ARAP1: variants seen among roughly 807,000 people sequenced by gnomAD.
ARAP1 encodes ArfGAP with RhoGAP domain, ankyrin repeat and PH domain 1, also known as arf-GAP with Rho-GAP domain, ANK repeat and PH domain-containing protein 1.
ARAP1 carries 76 observed loss-of-function variants against 172.2 expected under a neutral mutation model. The ratio of observed to expected loss-of-function variants is 0.44; its 90% CI spans 0.37 to 0.53. ARAP1 has a LOEUF of 0.53. ARAP1 is among the 20% of genes least tolerant of loss of function. The pLI, the probability that ARAP1 is intolerant of heterozygous loss-of-function variation, is 0.00. For missense variants in ARAP1, 1,686 were observed against 1,977.5 expected, an observed-to-expected ratio of 0.85 and a Z score of 2.80; for synonymous variants, 804 against 803.3, an observed-to-expected ratio of 1.00 and a Z score of -0.01.
At position 72,699,627 on chromosome 11, in the gene ARAP1, G is replaced by A. The variant is rs947645746; in HGVS notation, c.2303-75C>T. The A allele has an allele frequency of 2.0e-5, 30 of 1,535,196 alleles. No homozygotes were observed. The highest frequency in any genetic ancestry group is 2.1e-4 in the Middle Eastern group (1 of 4,786). ...AAAACCACCTCTGCATCCTCCCGGG[G>A]CTCCTGCTCCCATCTGACCCATGAG... On this transcript the variant is annotated intron_variant, in intron 16 of 34. Coordinates refer to ENST00000393609, the MANE Select transcript of ARAP1 (RefSeq NM_001040118.3). This position sits in a 1 kb window ranked among gnomAD's most constrained non-coding sequence, Gnocchi z 4.2.
chr11:72,727,263 G>T, intron 2 of ARAP1, 91 bp from the exon 3 acceptor site: 1 of 1,158,620 alleles, frequency 8.6e-7, no homozygotes, highest in Non-Finnish European at 1.2e-6. Flanking sequence ...CAAGCCATAG[G>T]TTCAAGTTCT....
At position 72,697,089 on chromosome 11, in the gene ARAP1, G is replaced by T; in HGVS notation, c.3060C>A (p.Gly1020=). The part of the protein sequence containing the change: ...QDARSVHLKE[G]EQHVDDVSSA... ...AGGAAACATCATCCACGTGCTGCTC[G>T]CCCTCCTTGAGGTGCACAGAGCGCG... The change falls in exon 22 of 35, where the codon GGC becomes GGA. Residue 1020 remains glycine, a synonymous_variant. Coordinates refer to ENST00000393609, the MANE Select transcript of ARAP1 (RefSeq NM_001040118.3). 6.2e-7 allele frequency: 1 copy of T among 1,609,372 alleles called. No individual in the cohort carries two copies. Among genetic ancestry groups the T allele is most frequent in the Non-Finnish European group, 8.5e-7 (1 of 1,179,924 alleles).
At chr11:72,700,421 A>G (rs937593991) in intron 16 of ARAP1, 1 of 152,306 alleles carries the variant, frequency 6.6e-6, no homozygotes, top group East Asian at 1.9e-4. Context: ...TTCCCACAGC[A>G]GACTCTGTCT....
Position 72,695,494 on chromosome 11 carries a change from G to A in ARAP1, c.3508-39C>T. ...GGGCTCAGCTGGGGGCCTAGGAAAT[G>A]GGTGCAGGTGGCAGGTCCAAGCCCC... On this transcript the variant is annotated intron_variant, in intron 25 of 34. Coordinates refer to ENST00000393609, the MANE Select transcript of ARAP1 (RefSeq NM_001040118.3). The surrounding 1 kb of genome is among the most constrained non-coding windows in gnomAD (Gnocchi z 4.4). 6.2e-7 allele frequency: 1 copy of A among 1,614,212 alleles called. No homozygotes were observed. The highest frequency in any genetic ancestry group is 8.5e-7 in the Non-Finnish European group (1 of 1,180,040).
chr11:72,730,773 C>A (rs1375642720), intron 2 of ARAP1, among the ~76,000 whole-genome samples: 3 of 152,150 alleles, frequency 2.0e-5, no homozygotes, highest in African/African-American at 7.2e-5. Flanking sequence ...CTGGCACCTG[C>A]CAGAATTGAC....
intron 2 of ARAP1, among the ~76,000 whole-genome samples, chr11:72,730,466 G>C (rs1046451167): frequency 1.3e-5 from 2 of 152,212 alleles, no homozygotes; most frequent in Non-Finnish European, 2.9e-5. Context: ...GCTCACACCT[G>C]TAATCCCAAC....
chr11:72,704,343 G>A lies in ARAP1; in HGVS notation c.1810-9C>T, dbSNP rs776623044. 8.4e-6 allele frequency: 13 copies of A among 1,555,368 alleles called. No individual in the cohort carries two copies. The highest frequency in any genetic ancestry group is 1.1e-5 in the Non-Finnish European group (13 of 1,151,898). ...CCCAGCTGTAAGAAGAGCTGTGGGG[G>A]TGTGCAGGAGGTCAGACGGGCCAGC... On this transcript the variant is annotated splice_polypyrimidine_tract_variant and intron_variant, in intron 13 of 34. Transcript: ENST00000393609.
At position 72,693,676 on chromosome 11, in the gene ARAP1, T is replaced by TGCAG. The variant is rs2135497456; in HGVS notation, c.3808+12_3808+15dup. Reference sequence around the variant, plus strand: ...AGGACCACCCGGAGCCTGGCCACCCTGCAGGCACCACCTACCCAGGTACAG... The same window carrying TGCAG: ...AGGACCACCCGGAGCCTGGCCACCCTGCAGGCAGGCACCACCTACCCAGGTACAG... On this transcript the variant is annotated intron_variant, in intron 28 of 34. Coordinates refer to ENST00000393609, the MANE Select transcript of ARAP1 (RefSeq NM_001040118.3). The surrounding 1 kb of genome is among the most constrained non-coding windows in gnomAD (Gnocchi z 4.6). The TGCAG allele has an allele frequency of 6.3e-7, 1 of 1,590,396 alleles. No individual in the cohort carries two copies. Among genetic ancestry groups the TGCAG allele is most frequent in the Non-Finnish European group, 8.6e-7 (1 of 1,167,910 alleles).
At chr11:72,727,862 C>T (rs1400016635) in intron 2 of ARAP1, among the ~76,000 whole-genome samples, 1 of 152,200 alleles carries the variant, frequency 6.6e-6, no homozygotes, top group Non-Finnish European at 1.5e-5. Flanking sequence ...CAGGCTCTAC[C>T]CCTGCACCCT....
intron 8 of ARAP1, 42 bp downstream of exon 8, chr11:72,711,388 A>T: frequency 6.3e-7 from 1 of 1,594,280 alleles, no homozygotes; most frequent in Non-Finnish European, 8.6e-7. Flanking sequence ...GGGCCAGCCT[A>T]GGCTGGAGCA....
chr11:72,708,677 G>C (rs933215363), intron 11 of ARAP1: 4 of 152,654 alleles, frequency 2.6e-5, no homozygotes, highest in African/African-American at 9.6e-5. Flanking sequence ...AGGCGCTGGG[G>C]CCAAAGGCCC....
At chr11:72,705,566 T>G in intron 13 of ARAP1, 1 of 491,752 alleles carries the variant, frequency 2.0e-6, no homozygotes. Flanking sequence ...TTCTTCCTTT[T>G]TTTTTCTTTA....
rs139843533 is a variant in ARAP1, at chr11:72,707,239, G to A, written c.1659C>T (p.Cys553=). ...AGGCCCAGTCAGGCTGAGGAGCCCC[G>A]CAGTCAGCACAGAACCTGTTGGGGG... The part of the protein sequence containing the change: ...AAAPNRFCAD[C]GAPQPDWASI... The change falls in exon 12 of 35, where the codon TGC becomes TGT. Residue 553 remains cysteine, a synonymous_variant. Transcript: ENST00000393609. 1.5e-5 allele frequency: 24 copies of A among 1,609,848 alleles called. No individual in the cohort carries two copies. The highest frequency in any genetic ancestry group is 4.5e-5 in the East Asian group (2 of 44,718).
At chr11:72,711,275 G>A in intron 8 of ARAP1, 134 bp from the exon 9 acceptor site, 2 of 1,480,324 alleles carry the variant, frequency 1.4e-6, no homozygotes, top group Non-Finnish European at 1.8e-6. Context: ...CCTGACTGCA[G>A]CCCTCAGCAG....
At chr11:72,686,419 C>T (rs1855686289) in intron 33 of ARAP1, among the ~76,000 whole-genome samples, 2 of 152,196 alleles carry the variant, frequency 1.3e-5, no homozygotes, top group African/African-American at 4.8e-5. Context: ...ATCCACAAAC[C>T]CCTCCAAGAA....
rs188230558 is a variant in ARAP1, at chr11:72,713,616, G to T, written c.680-373C>A. On this transcript the variant is annotated intron_variant, in intron 4 of 34. Coordinates refer to ENST00000393609, the MANE Select transcript of ARAP1 (RefSeq NM_001040118.3). ...TAATCCCAGCACTTTGGGAGGCTGA[G>T]GTGGGCAGATCACGAACTCAGGAGA... 5.1e-4 allele frequency among the ~76,000 whole-genome samples: 77 copies of T among 152,264 alleles called. 1 individual carries two copies. The highest frequency in any genetic ancestry group is 1.8e-3 in the African/African-American group (76 of 41,554).
At chr11:72,718,081 A>G (rs1857357436) in intron 3 of ARAP1, among the ~76,000 whole-genome samples, 1 of 152,192 alleles carries the variant, frequency 6.6e-6, no homozygotes, top group Non-Finnish European at 1.5e-5. Context: ...CGAAGGTGGA[A>G]CACAGGGGCC....
intron 31 of ARAP1, 80 bp downstream of exon 31, chr11:72,688,375 A>G (rs2135485404): frequency 7.4e-7 from 1 of 1,345,218 alleles, no homozygotes; most frequent in East Asian, 2.4e-5. Context: ...TCAAATTAAA[A>G]ACCCCAGCTG....
rs552468842 is a variant in ARAP1, at chr11:72,688,331, G to A, written c.4070+124C>T. 9 of 794,076 alleles carry A rather than the reference G, an allele frequency of 1.1e-5. No individual in the cohort carries two copies. The South Asian group carries it at 1.2e-4, about 11-fold the overall frequency. 49.2% of individuals were successfully genotyped at this position (794,076 alleles called of 1,614,324 possible). The stretch of plus-strand genomic sequence containing the variant: ...GTCCAGGTGATGCTGCTGGTCTGGA[G>A]ACCACACCATCAGAGCCCCTGCACC... On this transcript the variant is annotated intron_variant, in intron 31 of 34. Coordinates refer to ENST00000393609, the MANE Select transcript of ARAP1 (RefSeq NM_001040118.3).
Sources: gnomAD v4.1 joint callset for allele counts (sites outside exome capture counted in the v4.1 genomes callset) on GRCh38, gnomAD v4.1.1 for gene constraint, Gnocchi (gnomAD v3.1) non-coding constraint, MANE v1.5 for transcripts, NCBI Gene and HGNC (gene_info 2026-07-23, HGNC 2026-07-21) for gene names.